The following GEMIN5 variants were observed in gnomAD, a reference collection of about 807,000 sequenced individuals.
GEMIN5 encodes gem nuclear organelle associated protein 5, also known as gem-associated protein 5.
GEMIN5 carries 124 observed loss-of-function variants against 176.9 expected under a neutral mutation model. The ratio of observed to expected loss-of-function variants is 0.70; its 90% CI spans 0.61 to 0.81. GEMIN5 has a LOEUF of 0.81. Among genes scored for constraint, GEMIN5 ranks in the 40% least tolerant of loss-of-function variants. The probability of loss-of-function intolerance (pLI) is 0.00; values close to 1 mark genes in which losing one functional copy is unlikely to be tolerated. For missense variants in GEMIN5, 1,843 were observed against 1,814.6 expected, an observed-to-expected ratio of 1.02 and a Z score of -0.28; for synonymous variants, 673 against 665.2, an observed-to-expected ratio of 1.01 and a Z score of -0.18.
chr5:154,924,971 A>G (rs1247313641), intron 8 of GEMIN5, among the ~76,000 whole-genome samples: 1 of 152,196 alleles, frequency 6.6e-6, no homozygotes. Context: ...CCTGGGCGAC[A>G]GAGTGAGACT....
At chr5:154,901,203 C>T (rs1394337335) in intron 21 of GEMIN5, 136 bp downstream of exon 21, 3 of 777,088 alleles carry the variant, frequency 3.9e-6, no homozygotes, top group Non-Finnish European at 6.3e-6. Flanking sequence ...GCATGCACCT[C>T]CTGAGTAGTC....
intron 14 of GEMIN5, 67 bp downstream of exon 14, chr5:154,912,832 G>GTTT: frequency 7.2e-7 from 1 of 1,382,406 alleles, no homozygotes; most frequent in Non-Finnish European, 9.9e-7. Context: ...CACAACTGGG[G>GTTT]GAAAAGAAGA....
rs1161419546 is a variant in GEMIN5 at position 154,888,237 on chromosome 5, T to C, written c.4500A>G (p.Arg1500=). Residue 1500 remains arginine, a synonymous_variant, in exon 28 of 28, where the codon AGA becomes AGG. Coordinates refer to ENST00000285873, the MANE Select transcript of GEMIN5 (RefSeq NM_015465.5). ...ACATACAGAAGGTCTGGCAGTGTCT[T>C]CTGTAAGTTTTCGTGTTGCCGTATT... ...LQKYGNTKTY[R]RHCQTFCM The C allele has an allele frequency of 6.2e-7, 1 of 1,614,198 alleles. No individual in the cohort carries two copies. Among genetic ancestry groups the C allele is most frequent in the Non-Finnish European group, 8.5e-7 (1 of 1,180,032 alleles).
intron 10 of GEMIN5, among the ~76,000 whole-genome samples, chr5:154,920,826 A>G (rs1441866639): frequency 6.6e-6 from 1 of 152,238 alleles, no homozygotes; most frequent in African/African-American, 2.4e-5. Context: ...AAGCTAATAG[A>G]AAAGACTCAT....
At chr5:154,928,115 G>C (rs1561727811) in intron 6 of GEMIN5, among the ~76,000 whole-genome samples, 1 of 152,130 alleles carries the variant, frequency 6.6e-6, no homozygotes, top group African/African-American at 2.4e-5. Flanking sequence ...CCTTTAAACA[G>C]ATTTATCTCC....
chr5:154,893,385 C>G (rs1190271222), intron 24 of GEMIN5, among the ~76,000 whole-genome samples: 1 of 151,110 alleles, frequency 6.6e-6, no homozygotes, highest in Non-Finnish European at 1.5e-5. Context: ...AGCCACTACA[C>G]CCGAGCCTGG....
chr5:154,888,278 G>A lies in GEMIN5; in HGVS notation c.4459C>T (p.Gln1487Ter), dbSNP rs762567257. 4 of 1,614,162 alleles carry A rather than the reference G, an allele frequency of 2.5e-6. No homozygotes were observed. The highest frequency in any genetic ancestry group is 3.4e-6 in the Non-Finnish European group (4 of 1,180,018). ...TTGCCGTATTTCTGAAGGAGCTCTT[G>A]GGCCTGCTGCTGCATTTCCTGGGCC... Reference protein sequence around the residue: ...CLAQEMQQQAQELLQKYGNTK... With the variant: ...CLAQEMQQQA Residue 1487 changes from glutamine (Q) to a stop codon, truncating the protein, a stop_gained, in exon 28 of 28, where the codon CAA becomes TAA. Transcript: ENST00000285873. LOFTEE classifies it high-confidence loss of function.
rs1270881439 is a variant in GEMIN5 at position 154,920,041 on chromosome 5, G to A, written c.1525C>T (p.Gln509Ter). ...CCACTAAGCTTCCAGGGATTATGCT[G>A]TAAGACAATCCCTTCTCCTCCACAG... ...YSCGGEGIVL[Q>*]HNPWKLSGEA... The change falls in exon 11 of 28, where the codon CAG becomes TAG. Residue 509 changes from glutamine to a stop codon, truncating the protein, a stop_gained. Coordinates refer to ENST00000285873, the MANE Select transcript of GEMIN5 (RefSeq NM_015465.5). LOFTEE classifies it high-confidence loss of function. 1.2e-6 allele frequency: 2 copies of A among 1,609,506 alleles called. No homozygotes were observed. The highest frequency in any genetic ancestry group is 2.2e-5 in the East Asian group (1 of 44,824).
intron 9 of GEMIN5, among the ~76,000 whole-genome samples, chr5:154,923,493 A>G (rs939014515): frequency 6.6e-6 from 1 of 152,234 alleles, no homozygotes; most frequent in Non-Finnish European, 1.5e-5. Context: ...TTTGTGAGCC[A>G]TGTGGTCCCT....
chr5:154,907,696 C>T lies in GEMIN5; in HGVS notation c.2290G>A (p.Glu764Lys). Residue 764 changes from glutamate (E) to lysine (K), a missense_variant, in exon 16 of 28, where the codon GAA (glutamate) becomes AAA (lysine). Glu to Lys is a moderately conservative substitution (Grantham distance 56, BLOSUM62 1). Coordinates refer to ENST00000285873, the MANE Select transcript of GEMIN5 (RefSeq NM_015465.5). ...KLESIDGNEEESMKENSGPVE... is the reference protein window; with the variant it reads ...KLESIDGNEEKSMKENSGPVE... ...GGTCCTGAGTTCTCCTTCATGCTTT[C>T]TTCTTCATTTCCATCAATCGATTCC... 2 of 1,614,098 alleles carry T rather than the reference C, an allele frequency of 1.2e-6. No individual in the cohort carries two copies. The highest frequency in any genetic ancestry group is 2.2e-5 in the South Asian group (2 of 91,076).
At chr5:154,924,601 A>G (rs1427898047) in intron 8 of GEMIN5, 47 bp from the exon 9 acceptor site, 1 of 1,144,038 alleles carries the variant, frequency 8.7e-7, no homozygotes, top group African/African-American at 1.5e-5. Context: ...AGTGGGGCAT[A>G]TAGTTAAAGG....
chr5:154,920,193 G>T, intron 10 of GEMIN5, 90 bp from the exon 11 acceptor site: 1 of 947,660 alleles, frequency 1.1e-6, no homozygotes, highest in Non-Finnish European at 1.5e-6. Context: ...ATACTACATA[G>T]TTGTTTTAAA....
intron 8 of GEMIN5, 80 bp downstream of exon 8, chr5:154,925,782 C>A: frequency 4.0e-6 from 3 of 757,378 alleles, no homozygotes; most frequent in Non-Finnish European, 6.9e-6. Flanking sequence ...CTCAACAGAG[C>A]GCATTTAAAT....
chr5:154,924,084 T>C (rs535876772), intron 9 of GEMIN5, among the ~76,000 whole-genome samples: 6 of 152,360 alleles, frequency 3.9e-5, no homozygotes, highest in South Asian at 2.1e-4. Flanking sequence ...AAAATAATTA[T>C]TGAGATTTTT....
At chr5:154,904,099 TC>T (rs751453238) in intron 18 of GEMIN5, among the ~76,000 whole-genome samples, 59 of 152,094 alleles carry the variant, frequency 3.9e-4, no homozygotes, top group Non-Finnish European at 5.9e-4. Context: ...CAAATTTTTT[TC>T]TAAAAAAATG....
chr5:154,902,455 A>G, intron 20 of GEMIN5, 84 bp downstream of exon 20: 1 of 1,253,030 alleles, frequency 8.0e-7, no homozygotes, highest in Non-Finnish European at 1.2e-6. Flanking sequence ...CAAGCTTAAG[A>G]CTGTGCTAAG....
intron 24 of GEMIN5, 152 bp downstream of exon 24, chr5:154,895,940 T>C (rs1763341121): frequency 1.3e-6 from 1 of 775,880 alleles, no homozygotes; most frequent in Non-Finnish European, 2.1e-6. Flanking sequence ...CTTTGATTAG[T>C]CTAAAGGGAT....
rs1763548237 is a variant in GEMIN5, at chr5:154,905,381, GCTC to G, written c.2488_2490del (p.Glu830del). ...TACCAACCTGGCTTCTCTTTTGGTGGCTCCTTTTTCAGTAAAATGACTTTGTTA... is the reference window on the plus strand; with the variant it reads ...TACCAACCTGGCTTCTCTTTTGGTGGCTTTTTCAGTAAAATGACTTTGTTA... On this transcript the variant is annotated inframe_deletion, in exon 17 of 28. Coordinates refer to ENST00000285873, the MANE Select transcript of GEMIN5 (RefSeq NM_015465.5). 5.0e-6 allele frequency: 8 copies of G among 1,589,364 alleles called. No individual in the cohort carries two copies. The East Asian group carries it at 1.8e-4, about 36-fold the overall frequency.
In GEMIN5 at chr5:154,902,560, G is replaced by C. The variant is rs778574641; in HGVS notation, c.2845C>G (p.Leu949Val). The C allele has an allele frequency of 6.2e-7, 1 of 1,614,074 alleles. No individual in the cohort carries two copies. Among genetic ancestry groups the C allele is most frequent in the Non-Finnish European group, 8.5e-7 (1 of 1,179,942 alleles). Residue 949 changes from leucine to valine, a missense_variant, in exon 20 of 28, where the codon CTT becomes GTT. Coordinates refer to ENST00000285873, the MANE Select transcript of GEMIN5 (RefSeq NM_015465.5). ...AAERGELTDN[L>V]VAMAPAAGYH... is the part of the protein sequence containing the mutation. Reference sequence around the variant, plus strand: ...ATACCTGCTGGTGCCATAGCCACAAGGTTGTCTGTCAGCTCCCCTCTTTCT... The same window carrying C: ...ATACCTGCTGGTGCCATAGCCACAACGTTGTCTGTCAGCTCCCCTCTTTCT...
Sources: gnomAD v4.1 joint callset for allele counts (sites outside exome capture counted in the v4.1 genomes callset) on GRCh38, gnomAD v4.1.1 for gene constraint, MANE v1.5 for transcripts, NCBI Gene and HGNC (gene_info 2026-07-23, HGNC 2026-07-21) for gene names.